The following SETD3 variants were observed in gnomAD, a reference collection of about 807,000 sequenced individuals.
SETD3 encodes SET domain containing 3, actin N3(tau)-histidine methyltransferase, also known as actin-histidine N-methyltransferase.
Under a neutral mutation model 63.0 loss-of-function variants are expected in SETD3, and 19 were observed. The observed-to-expected ratio is 0.30, with a 90% CI of 0.21 to 0.44. The LOEUF is 0.44. Among genes scored for constraint, SETD3 ranks in the 20% least tolerant of loss-of-function variants. The pLI, the probability that SETD3 is intolerant of heterozygous loss-of-function variation, is 1.00. For synonymous variants in SETD3, 286 were observed against 264.1 expected, an observed-to-expected ratio of 1.08 and a Z score of -0.80; for missense variants, 587 against 728.5, an observed-to-expected ratio of 0.81 and a Z score of 2.24.
chr14:99,399,741 A>AATTTTTT lies in SETD3; in HGVS notation c.1338+357_1338+358insAAAAAAT, dbSNP rs1566869064. Among the ~76,000 whole-genome samples the AATTTTTT allele has an allele frequency of 1.6e-5, 2 of 127,728 alleles. 1 individual carries two copies. The highest frequency in any genetic ancestry group is 5.9e-5 in the African/African-American group (2 of 33,634). 83.8% of individuals were successfully genotyped at this position (127,728 alleles called of 152,430 possible). Reference sequence around the variant, plus strand: ...GAATTAACAAGAAATCTTTCATTAAATTTTTTTTTTTTTTTTTTTTTTTTT... The same window carrying AATTTTTT: ...GAATTAACAAGAAATCTTTCATTAAAATTTTTTTTTTTTTTTTTTTTTTTTTTTTTTT... On this transcript the variant is annotated intron_variant, in intron 12 of 12. Transcript: ENST00000331768.
rs200927021 is a variant in SETD3, at chr14:99,399,054, A to C, written c.1410T>G (p.Gly470=). The stretch of plus-strand genomic sequence containing the variant: ...CTGCTTTTTCCAAAATCTCTTTCTC[A>C]CCTAAGCGCAATTTGATGGCCATTT... ...RAKMAIKLRL[G]EKEILEKAVK... The change falls in exon 13 of 13, where the codon GGT becomes GGG. Residue 470 remains glycine, a synonymous_variant. Coordinates refer to ENST00000331768, the MANE Select transcript of SETD3 (RefSeq NM_032233.3). 6 of 1,613,966 alleles carry C rather than the reference A, an allele frequency of 3.7e-6. No homozygotes were observed. In the East Asian group the frequency reaches 1.3e-4, roughly 36 times the overall value.
intron 1 of SETD3, among the ~76,000 whole-genome samples, chr14:99,471,654 CT>C (rs1257044294): frequency 6.6e-6 from 1 of 152,138 alleles, no homozygotes; most frequent in Non-Finnish European, 1.5e-5. Context: ...TCAAAAAAAA[CT>C]TTTTTAAAGA....
Position 99,467,804 on chromosome 14 carries a change from A to T in SETD3, c.-8-1991T>A, listed in dbSNP as rs192371399. Among the ~76,000 whole-genome samples, 20 of 152,278 alleles carry T rather than the reference A, an allele frequency of 1.3e-4. No homozygotes were observed. The East Asian group carries it at 3.9e-3, about 29-fold the overall frequency. On this transcript the variant is annotated intron_variant, in intron 1 of 12. Coordinates refer to ENST00000331768, the MANE Select transcript of SETD3 (RefSeq NM_032233.3). ...ACAGGGCTGTTCTGCACCGGCCCTCACAGGGTGCCCACCAACAGCTACAAA... is the reference window on the plus strand; with the variant it reads ...ACAGGGCTGTTCTGCACCGGCCCTCTCAGGGTGCCCACCAACAGCTACAAA...
At chr14:99,473,750 G>T (rs1305396117) in intron 1 of SETD3, among the ~76,000 whole-genome samples, 1 of 152,142 alleles carries the variant, frequency 6.6e-6, no homozygotes, top group Non-Finnish European at 1.5e-5. Flanking sequence ...CGGCCATCAG[G>T]ATCAGATTAC....
chr14:99,440,639 G>A (rs1381729115), intron 6 of SETD3, among the ~76,000 whole-genome samples: 1 of 151,972 alleles, frequency 6.6e-6, no homozygotes, highest in Non-Finnish European at 1.5e-5. Flanking sequence ...TTAAAGCAGA[G>A]CCAGTAAGAA....
intron 6 of SETD3, among the ~76,000 whole-genome samples, chr14:99,457,887 A>G (rs1211860313): frequency 6.6e-6 from 1 of 152,258 alleles, no homozygotes. Flanking sequence ...TTAACTGTCA[A>G]TATTTTACAC....
intron 6 of SETD3, among the ~76,000 whole-genome samples, chr14:99,447,669 G>A (rs1056057012): frequency 6.6e-6 from 1 of 152,146 alleles, no homozygotes; most frequent in Non-Finnish European, 1.5e-5. Flanking sequence ...CAGAGAACAG[G>A]CAAGCCTGGA....
chr14:99,443,255 A>ATTTTTTT (rs996583091), intron 6 of SETD3, among the ~76,000 whole-genome samples: 13 of 108,754 alleles, frequency 1.2e-4, no homozygotes, highest in African/African-American at 2.0e-4. Flanking sequence ...CTGAACTCCC[A>ATTTTTTT]TTTTTTTTTT....
At chr14:99,436,614 T>C (rs1370673088) in intron 6 of SETD3, among the ~76,000 whole-genome samples, 5 of 152,212 alleles carry the variant, frequency 3.3e-5, no homozygotes, top group Non-Finnish European at 7.3e-5. Context: ...GAATGGCCTT[T>C]TCTTAATGCA....
chr14:99,419,627 T>G (rs909187724), intron 6 of SETD3, among the ~76,000 whole-genome samples: 2 of 151,486 alleles, frequency 1.3e-5, no homozygotes, highest in Non-Finnish European at 2.9e-5. Flanking sequence ...TACAAAAAAT[T>G]AGCCGGGCGT....
upstream of SETD3, among the ~76,000 whole-genome samples, chr14:99,482,887 G>A (rs996040460): frequency 2.0e-5 from 3 of 152,160 alleles, no homozygotes; most frequent in African/African-American, 7.2e-5. Flanking sequence ...AGGGAGGACA[G>A]TGTTTTCTGC....
chr14:99,404,075 A>G (rs978567108), intron 11 of SETD3, 150 bp downstream of exon 11: 13 of 558,222 alleles, frequency 2.3e-5, no homozygotes, highest in Non-Finnish European at 3.1e-5. Flanking sequence ...AAACAAATCT[A>G]TTTCTTCTTT....
At chr14:99,475,929 T>C (rs1209228966) in intron 1 of SETD3, among the ~76,000 whole-genome samples, 1 of 152,254 alleles carries the variant, frequency 6.6e-6, no homozygotes, top group East Asian at 1.9e-4. Context: ...AAATGTGCTA[T>C]ATTCAACAAC....
At chr14:99,420,702 A>G (rs1030819562) in intron 6 of SETD3, among the ~76,000 whole-genome samples, 1 of 152,042 alleles carries the variant, frequency 6.6e-6, no homozygotes, top group Non-Finnish European at 1.5e-5. Flanking sequence ...TTTTTTCCCC[A>G]AATCTCTCTT....
chr14:99,480,506 C>T (rs933275547), intron 1 of SETD3, among the ~76,000 whole-genome samples: 5 of 151,004 alleles, frequency 3.3e-5, no homozygotes, highest in Admixed American at 6.6e-5. Context: ...CGACCGGCGC[C>T]CTCCGACCCC....
chr14:99,399,837 G>C (rs557821231), intron 12 of SETD3, among the ~76,000 whole-genome samples: 1 of 137,980 alleles, frequency 7.2e-6, no homozygotes, highest in Admixed American at 8.2e-5. Context: ...TGCAACCTCC[G>C]CCTCCTGGGT....
intron 8 of SETD3, among the ~76,000 whole-genome samples, chr14:99,408,169 T>C (rs1173255163): frequency 6.6e-6 from 1 of 152,180 alleles, no homozygotes; most frequent in Admixed American, 6.5e-5. Context: ...TGGAAGGCCA[T>C]GTAACACTAA....
intron 6 of SETD3, among the ~76,000 whole-genome samples, chr14:99,427,217 A>G (rs943180214): frequency 6.6e-6 from 1 of 152,252 alleles, no homozygotes; most frequent in Admixed American, 6.5e-5. Flanking sequence ...CAAGGAAAAC[A>G]TACCTTTGTA....
At position 99,458,425 on chromosome 14, in the gene SETD3, G is replaced by A; in HGVS notation, c.529C>T (p.Gln177Ter). The A allele has an allele frequency of 6.2e-7, 1 of 1,614,126 alleles. No homozygotes were observed. Among genetic ancestry groups the A allele is most frequent in the Non-Finnish European group, 8.5e-7 (1 of 1,180,018 alleles). Residue 177 changes from glutamine to a stop codon, truncating the protein, a stop_gained, in exon 6 of 13, where the codon CAA becomes TAA. Transcript: ENST00000331768. LOFTEE classifies it high-confidence loss of function. ...SPNSFWQPYI[Q>*]TLPSEYDTPL... ...GTGTCATATTCACTGGGGAGGGTTTGAATATAGGGCTGCCAGAAGGAGTTA... is the reference window on the plus strand; with the variant it reads ...GTGTCATATTCACTGGGGAGGGTTTAAATATAGGGCTGCCAGAAGGAGTTA...
Sources: allele counts gnomAD v4.1 joint callset (sites outside exome capture counted in the v4.1 genomes callset), GRCh38; gene constraint gnomAD v4.1.1; transcripts MANE v1.5; gene names NCBI Gene and HGNC (gene_info 2026-07-23, HGNC 2026-07-21).